CLEC3B: variants seen among roughly 807,000 people sequenced by gnomAD.
CLEC3B encodes C-type lectin domain family 3 member B.
CLEC3B carries 13 observed loss-of-function variants against 15.4 expected under a neutral mutation model. The observed-to-expected ratio is 0.84, with a 90% CI of 0.55 to 1.34. The LOEUF is 1.34. Among genes scored for constraint, CLEC3B ranks in the 40% most tolerant of loss-of-function variants. The pLI is 0.00. For missense variants in CLEC3B, 242 were observed against 268.6 expected, an observed-to-expected ratio of 0.90 and a Z score of 0.69; for synonymous variants, 112 against 114.7, an observed-to-expected ratio of 0.98 and a Z score of 0.15.
chr3:45,035,407 C>G, intron 2 of CLEC3B, 117 bp from the exon 3 acceptor site: 1 of 1,397,958 alleles, frequency 7.2e-7, no homozygotes, highest in Non-Finnish European at 9.6e-7. Context: ...AAGGGGCTGT[C>G]AGGACTGATG....
intron 1 of CLEC3B, among the ~76,000 whole-genome samples, chr3:45,028,857 A>G (rs1422373250): frequency 6.6e-6 from 1 of 152,210 alleles, no homozygotes; most frequent in African/African-American, 2.4e-5. Flanking sequence ...GAATGCCAGC[A>G]TATGCTAAGT....
At chr3:45,030,992 A>C (rs1697546186) in intron 2 of CLEC3B, 67 bp downstream of exon 2, 1 of 1,128,078 alleles carries the variant, frequency 8.9e-7, no homozygotes, top group Non-Finnish European at 1.3e-6. Context: ...AGCAGCCAGC[A>C]ATGCTCTTCT....
At chr3:45,032,496 T>A (rs1409885661) in intron 2 of CLEC3B, among the ~76,000 whole-genome samples, 3 of 152,258 alleles carry the variant, frequency 2.0e-5, no homozygotes, top group Non-Finnish European at 4.4e-5. Flanking sequence ...CAGTCTGTAA[T>A]GATACACTCA....
intron 2 of CLEC3B, among the ~76,000 whole-genome samples, chr3:45,033,396 A>G (rs889051091): frequency 1.2e-4 from 19 of 152,102 alleles, no homozygotes; most frequent in Admixed American, 7.2e-4. Context: ...CAACCCAAAG[A>G]TCACCTTTTC....
chr3:45,035,979 C>G lies in CLEC3B; in HGVS notation c.*55C>G. On this transcript the variant is annotated 3_prime_UTR_variant, in exon 3 of 3. Coordinates refer to ENST00000296130, the MANE Select transcript of CLEC3B (RefSeq NM_003278.3). ...GAGGAGGGCAGGGGCCGCGGGAGGC[C>G]GGGAGGAGGGTGGGGACCTTGCAGC... 2.0e-5 allele frequency: 22 copies of G among 1,113,344 alleles called. No individual in the cohort carries two copies. The highest frequency in any genetic ancestry group is 2.3e-5 in the Non-Finnish European group (18 of 787,674). 69.0% of individuals were successfully genotyped at this position (1,113,344 alleles called of 1,614,324 possible).
intron 1 of CLEC3B, among the ~76,000 whole-genome samples, chr3:45,026,711 C>T (rs1189283632): frequency 3.9e-5 from 6 of 152,166 alleles, no homozygotes; most frequent in Admixed American, 2.6e-4. Flanking sequence ...GATCTTTGCT[C>T]TTCTCTCCTC....
At position 45,026,475 on chromosome 3, in the gene CLEC3B, AGGAG is replaced by A; in HGVS notation, c.109+7_109+10del. The A allele has an allele frequency of 6.2e-7, 1 of 1,613,232 alleles. No homozygotes were observed. The highest frequency in any genetic ancestry group is 8.5e-7 in the Non-Finnish European group (1 of 1,179,296). On this transcript the variant is annotated splice_donor_5th_base_variant and intron_variant, in intron 1 of 2. Coordinates refer to ENST00000296130, the MANE Select transcript of CLEC3B (RefSeq NM_003278.3). ...AAGATTGTAAATGCCAAGAAAGGTA[AGGAG>A]GGGGACAGAGCCCTGTGCCATCTTC... is the stretch of plus-strand genomic sequence containing the variant.
chr3:45,035,651 G>A lies in CLEC3B; in HGVS notation c.336G>A (p.Ser112=), dbSNP rs199701881. The A allele has an allele frequency of 5.5e-4, 881 of 1,612,868 alleles. 1 individual carries two copies. Among genetic ancestry groups the A allele is most frequent in the Non-Finnish European group, 7.0e-4 (826 of 1,179,952 alleles). ...GGTLGTPQTG[S]ENDALYEYLR... Reference sequence around the variant, plus strand: ...CCCTGGGCACCCCTCAGACTGGCTCGGAGAACGACGCCCTGTATGAGTACC... The same window carrying A: ...CCCTGGGCACCCCTCAGACTGGCTCAGAGAACGACGCCCTGTATGAGTACC... The change falls in exon 3 of 3, where the codon TCG becomes TCA. Residue 112 remains serine, a synonymous_variant. Transcript: ENST00000296130.
rs1215767436 is a variant in CLEC3B, at chr3:45,030,827, A to G, written c.110A>G (p.Asp37Gly). ...KPKKIVNAKK[D>G]VVNTKMFEEL... ...CCTGACATATTTCCTCCTGCTTCAG[A>G]TGTTGTGAACACAAAGATGTTTGAG... is the stretch of plus-strand genomic sequence containing the variant. Residue 37 changes from aspartate to glycine, a missense_variant and splice_region_variant, in exon 2 of 3, where the codon GAT becomes GGT. Coordinates refer to ENST00000296130, the MANE Select transcript of CLEC3B (RefSeq NM_003278.3). 17 of 1,584,734 alleles carry G rather than the reference A, an allele frequency of 1.1e-5. No individual in the cohort carries two copies. The highest frequency in any genetic ancestry group is 1.3e-5 in the Non-Finnish European group (15 of 1,164,974).
intron 1 of CLEC3B, among the ~76,000 whole-genome samples, chr3:45,029,050 C>A (rs1318651789): frequency 6.6e-6 from 1 of 152,196 alleles, no homozygotes; most frequent in African/African-American, 2.4e-5. Flanking sequence ...TCCATTCTAA[C>A]ATCACGCAGA....
intron 2 of CLEC3B, among the ~76,000 whole-genome samples, chr3:45,032,817 G>GT (rs1464781678): frequency 1.3e-5 from 2 of 152,234 alleles, no homozygotes; most frequent in Non-Finnish European, 2.9e-5. Context: ...GTAGTTATAA[G>GT]TTTTTGTTCA....
At position 45,035,545 on chromosome 3, in the gene CLEC3B, T is replaced by C; in HGVS notation, c.230T>C (p.Val77Ala). The C allele has an allele frequency of 1.2e-6, 2 of 1,609,078 alleles. No homozygotes were observed. Among genetic ancestry groups the C allele is most frequent in the Non-Finnish European group, 1.7e-6 (2 of 1,176,754 alleles). The change falls in exon 3 of 3, where the codon GTG becomes GCG. Residue 77 changes from valine to alanine, a missense_variant. Transcript: ENST00000296130. ...LQTVCLKGTK[V>A]HMKCFLAFTQ... The stretch of plus-strand genomic sequence containing the variant: ...CCAGTCTGCCTGAAGGGGACCAAGG[T>C]GCACATGAAATGCTTTCTGGCCTTC...
chr3:45,030,708 GAA>G (rs1394050856), intron 1 of CLEC3B, 117 bp from the exon 2 acceptor site: 17 of 689,184 alleles, frequency 2.5e-5, no homozygotes, highest in Non-Finnish European at 3.8e-5. Context: ...TAGAGAGAGA[GAA>G]AGTTTCCCAA....
intron 1 of CLEC3B, among the ~76,000 whole-genome samples, chr3:45,027,180 G>A (rs916545681): frequency 6.6e-5 from 10 of 152,202 alleles, no homozygotes; most frequent in African/African-American, 2.4e-4. Flanking sequence ...GGCAATGGAC[G>A]GGGCTGTCAC....
chr3:45,033,478 T>C (rs1697593795), intron 2 of CLEC3B, among the ~76,000 whole-genome samples: 1 of 152,034 alleles, frequency 6.6e-6, no homozygotes, highest in African/African-American at 2.4e-5. Context: ...GGGCAACCTT[T>C]CCCTCCTCCA....
chr3:45,027,597 C>T (rs1697501460), intron 1 of CLEC3B, among the ~76,000 whole-genome samples: 1 of 152,206 alleles, frequency 6.6e-6, no homozygotes, highest in Non-Finnish European at 1.5e-5. Flanking sequence ...GAAGGATCCA[C>T]AAGAGTGAGT....
At chr3:45,035,397 A>G (rs913935136) in intron 2 of CLEC3B, 127 bp from the exon 3 acceptor site, 56 of 1,306,462 alleles carry the variant, frequency 4.3e-5, no homozygotes, top group Non-Finnish European at 5.6e-5. Flanking sequence ...GCCTGGGTCT[A>G]AGGGGCTGTC....
intron 2 of CLEC3B, among the ~76,000 whole-genome samples, chr3:45,032,033 G>C (rs529563449): frequency 6.6e-6 from 1 of 151,540 alleles, no homozygotes; most frequent in African/African-American, 2.4e-5. Context: ...CCTTGTGACA[G>C]CCGAAAGGAG....
chr3:45,027,987 C>T (rs1697506097), intron 1 of CLEC3B, among the ~76,000 whole-genome samples: 1 of 151,068 alleles, frequency 6.6e-6, no homozygotes, highest in South Asian at 2.1e-4. Context: ...CCAGCTGTCA[C>T]ACTTGAACCC....
Sources: allele counts gnomAD v4.1 joint callset (sites outside exome capture counted in the v4.1 genomes callset), GRCh38; gene constraint gnomAD v4.1.1; transcripts MANE v1.5; gene names NCBI Gene and HGNC (gene_info 2026-07-23, HGNC 2026-07-21).